Variants in SLC5A4 observed in about 807,000 individuals in gnomAD.
SLC5A4 encodes the protein solute carrier family 5 member 4, also known as probable glucose sensor protein SLC5A4.
In SLC5A4, 55 loss-of-function variants were observed where a neutral mutation model predicts 70.3. That is an observed-to-expected ratio of 0.78 (90% CI 0.63 to 0.98). SLC5A4 has a LOEUF of 0.98. Ranked by LOEUF, SLC5A4 falls within the 50% of genes least tolerant of loss-of-function variation. The probability of loss-of-function intolerance (pLI) is 0.00; values close to 1 mark genes in which losing one functional copy is unlikely to be tolerated. For missense variants in SLC5A4, 735 were observed against 839.2 expected (o/e 0.88, Z 1.53); for synonymous variants, 268 against 305.7 (o/e 0.88, Z 1.29).
At chr22:32,321,435 G>A in the SLC5A4 span, among the ~76,000 whole-genome samples, 3 of 151,200 alleles carry the variant, frequency 2.0e-5, no homozygotes, top group African/African-American at 7.3e-5. Context: ...CTGGATGGCA[G>A]AGCGAGACTC....
chr22:32,270,588 G>T, the SLC5A4 span: 1 of 732,756 alleles, frequency 1.4e-6, no homozygotes. Context: ...TCATGGAGCT[G>T]GACACCAGTG....
the SLC5A4 span, chr22:32,285,174 T>C: frequency 6.6e-6 from 1 of 152,210 alleles, no homozygotes; most frequent in African/African-American, 2.4e-5. Context: ...ATATACGATA[T>C]ATGTGTGTAT....
At chr22:32,282,269 G>A in the SLC5A4 span, among the ~76,000 whole-genome samples, 2 of 152,154 alleles carry the variant, frequency 1.3e-5, no homozygotes, top group Non-Finnish European at 2.9e-5. Flanking sequence ...GCTTAATGAA[G>A]TCAGCAGTGA....
intron 8 of SLC5A4, among the ~76,000 whole-genome samples, chr22:32,234,094 C>G (rs1455166817): frequency 6.6e-6 from 1 of 152,142 alleles, no homozygotes; most frequent in African/African-American, 2.4e-5. Flanking sequence ...CAATAAAATC[C>G]TAAAACCAAG....
At chr22:32,337,656 A>T in the SLC5A4 span, among the ~76,000 whole-genome samples, 18 of 152,256 alleles carry the variant, frequency 1.2e-4, no homozygotes, top group Non-Finnish European at 2.5e-4. Flanking sequence ...ACTTATGCAC[A>T]GGGGCAAGCT....
chr22:32,230,917 G>T, intron 10 of SLC5A4, 51 bp downstream of exon 10: 1 of 1,111,338 alleles, frequency 9.0e-7, no homozygotes, highest in Non-Finnish European at 1.4e-6. Context: ...CTTCCTCGAG[G>T]CCCGTCTTAG....
the SLC5A4 span, among the ~76,000 whole-genome samples, chr22:32,302,599 G>T: frequency 9.2e-5 from 14 of 152,072 alleles, no homozygotes; most frequent in African/African-American, 2.7e-4. Context: ...TTATCAAACT[G>T]CTTTTGCCCC....
the SLC5A4 span, among the ~76,000 whole-genome samples, chr22:32,306,333 C>G: frequency 1.1e-5 from 1 of 88,104 alleles, no homozygotes; most frequent in Non-Finnish European, 2.4e-5. Context: ...GGTGTGGTGG[C>G]AGGTGCCTGC....
the SLC5A4 span, chr22:32,284,644 C>G: frequency 7.4e-4 from 113 of 152,316 alleles, 2 homozygotes; most frequent in African/African-American, 2.7e-3. Context: ...GGAGCTGCGT[C>G]ATTTCCACCA....
the SLC5A4 span, chr22:32,270,238 G>T: frequency 1.4e-6 from 1 of 695,414 alleles, no homozygotes. Flanking sequence ...CTGCACCAAT[G>T]CTGCCATGGG....
intron 14 of SLC5A4, among the ~76,000 whole-genome samples, chr22:32,219,630 C>CAAAAAAAAAAAAAAAAAAAAAAAAA: frequency 6.9e-5 from 2 of 28,880 alleles, no homozygotes; most frequent in South Asian, 1.4e-3. Flanking sequence ...TCCAACTTAG[C>CAAAAAAAAAAAAAAAAAAAAAAAAA]AAAAAAAAAA....
the SLC5A4 span, among the ~76,000 whole-genome samples, chr22:32,269,175 G>A: frequency 2.6e-5 from 4 of 152,214 alleles, no homozygotes; most frequent in Non-Finnish European, 5.9e-5. The surrounding 1 kb of genome is among the most constrained non-coding windows in gnomAD (Gnocchi z 4.1). Context: ...ACAGGCGTGA[G>A]CCACCACGAG....
chr22:32,285,223 C>T, the SLC5A4 span: 1 of 152,086 alleles, frequency 6.6e-6, no homozygotes, highest in Non-Finnish European at 1.5e-5. Flanking sequence ...AAGTCTTCCT[C>T]TATTGATAAG....
At chr22:32,303,717 C>G in the SLC5A4 span, among the ~76,000 whole-genome samples, 1 of 152,226 alleles carries the variant, frequency 6.6e-6, no homozygotes, top group African/African-American at 2.4e-5. Flanking sequence ...AGATGGACAT[C>G]TTGGTTTCTT....
the SLC5A4 span, among the ~76,000 whole-genome samples, chr22:32,325,947 G>T: frequency 6.6e-6 from 1 of 152,244 alleles, no homozygotes; most frequent in Admixed American, 6.5e-5. Flanking sequence ...TGGCCCTAGT[G>T]AGAGAGGAGC....
At position 32,225,771 on chromosome 22, in the gene SLC5A4, G is replaced by C; in HGVS notation, c.1333C>G (p.Gln445Glu). 1.2e-6 allele frequency: 2 copies of C among 1,612,116 alleles called. No homozygotes were observed. The highest frequency in any genetic ancestry group is 1.7e-6 in the Non-Finnish European group (2 of 1,178,260). ...ATTAGTTGTCCATTTTGAGAAACTTGTACCAGTGGGACCCACACAATGCTC... is the reference window on the plus strand; with the variant it reads ...ATTAGTTGTCCATTTTGAGAAACTTCTACCAGTGGGACCCACACAATGCTC... ...VVSIVWVPLV[Q>E]VSQNGQLIHY... The change falls in exon 12 of 15, where the codon CAA (glutamine) becomes GAA (glutamate). Residue 445 changes from glutamine (Q) to glutamate (E), a missense_variant. Physicochemically the swap from Gln to Glu is conservative, Grantham distance 29. Transcript: ENST00000266086.
chr22:32,288,032 T>A, the SLC5A4 span, among the ~76,000 whole-genome samples: 20 of 147,942 alleles, frequency 1.4e-4, no homozygotes, highest in Non-Finnish European at 2.6e-4. Flanking sequence ...TTTTTTTTTT[T>A]AGAGATGAGG....
At chr22:32,284,988 A>G in the SLC5A4 span, 1 of 152,212 alleles carries the variant, frequency 6.6e-6, no homozygotes, top group African/African-American at 2.4e-5. Flanking sequence ...CTGCAGATAC[A>G]AGACTTTGGC....
At chr22:32,304,684 C>T in the SLC5A4 span, among the ~76,000 whole-genome samples, 1 of 151,934 alleles carries the variant, frequency 6.6e-6, no homozygotes, top group Non-Finnish European at 1.5e-5. Context: ...TTTGGCTTGT[C>T]TTTTCATTCT....
Sources: gnomAD v4.1 joint callset for allele counts (sites outside exome capture counted in the v4.1 genomes callset) on GRCh38, gnomAD v4.1.1 for gene constraint, Gnocchi (gnomAD v3.1) non-coding constraint, MANE v1.5 for transcripts, NCBI Gene and HGNC (gene_info 2026-07-23, HGNC 2026-07-21) for gene names.